HS6ST2: variants seen among roughly 807,000 people sequenced by gnomAD.
HS6ST2 encodes heparan sulfate 6-O-sulfotransferase 2, also known as heparan-sulfate 6-O-sulfotransferase 2.
A neutral mutation model predicts 33.0 loss-of-function variants in HS6ST2; 17 were observed. That is an observed-to-expected ratio of 0.52 (90% CI 0.35 to 0.77). The LOEUF (loss-of-function observed/expected upper bound fraction) is 0.77, where lower values mean the gene tolerates loss of function less well. HS6ST2 is among the 30% of genes least tolerant of loss of function. The pLI, the probability that HS6ST2 is intolerant of heterozygous loss-of-function variation, is 0.01. For missense variants in HS6ST2, 519 were observed against 551.7 expected (o/e 0.94, Z 0.59); for synonymous variants, 248 against 237.1 (o/e 1.05, Z -0.42).
At chrX:132,685,558 A>G (rs2064011122) in intron 3 of HS6ST2, among the ~76,000 whole-genome samples, 1 of 111,371 alleles carries the variant, frequency 9.0e-6, no homozygotes, top group Non-Finnish European at 1.9e-5. Context: ...GAAGCTGTAT[A>G]CAGATTCCAA....
chrX:132,960,035 T>C (rs1438271102), upstream of HS6ST2, among the ~76,000 whole-genome samples: 1 of 112,155 alleles, frequency 8.9e-6, no homozygotes, highest in African/African-American at 3.2e-5. Context: ...GGATAGTGGA[T>C]TTTTTGGGAA....
chrX:132,851,679 A>C (rs2065802646), intron 2 of HS6ST2, among the ~76,000 whole-genome samples: 4 of 112,096 alleles, frequency 3.6e-5, no homozygotes, highest in Non-Finnish European at 7.5e-5. Context: ...GATATTGTCC[A>C]TAAGGGGAAG....
At chrX:132,938,791 T>G (rs758934509) in intron 2 of HS6ST2, among the ~76,000 whole-genome samples, 1 of 112,352 alleles carries the variant, frequency 8.9e-6, no homozygotes. Context: ...ATAAAATTCA[T>G]CAACACTGAA....
chrX:132,793,048 C>CTTTTTTT lies in HS6ST2; in HGVS notation c.948-84561_948-84555dup, dbSNP rs755535720. Among the ~76,000 whole-genome samples the CTTTTTTT allele has an allele frequency of 2.2e-3, 115 of 53,241 alleles. 17 individuals carry two copies. Among genetic ancestry groups the CTTTTTTT allele is most frequent in the African/African-American group, 0.012 (113 of 9,561 alleles). The allele number at this position is 53,241 out of a possible 115,157, so 46.2% of individuals were successfully genotyped here. A position where few individuals can be genotyped will look rare whatever the true frequency, so the allele number is the denominator to read the frequency against. On this transcript the variant is annotated intron_variant, in intron 2 of 4. Coordinates refer to ENST00000370833, the MANE Select transcript of HS6ST2 (RefSeq NM_001394073.1). Reference sequence around the variant, plus strand: ...AAGTTGCAAATCTCCAAATAAACTCCTTTTTTTTTTTTTTTTTTTTTTTTT... The same window carrying CTTTTTTT: ...AAGTTGCAAATCTCCAAATAAACTCCTTTTTTTTTTTTTTTTTTTTTTTTTTTTTTTT...
chrX:132,929,379 A>G (rs2066742293), intron 2 of HS6ST2, among the ~76,000 whole-genome samples: 1 of 110,485 alleles, frequency 9.1e-6, no homozygotes, highest in Non-Finnish European at 1.9e-5. Context: ...CGTCCTACCT[A>G]CTTGGGAGGC....
chrX:132,742,733 A>C (rs2064592264), intron 2 of HS6ST2, among the ~76,000 whole-genome samples: 1 of 112,778 alleles, frequency 8.9e-6, no homozygotes, highest in Admixed American at 9.4e-5. Flanking sequence ...CACAAGTCAC[A>C]CATGTATATC....
At chrX:132,847,626 A>G (rs1298428270) in intron 2 of HS6ST2, among the ~76,000 whole-genome samples, 1 of 111,762 alleles carries the variant, frequency 8.9e-6, no homozygotes, top group African/African-American at 3.3e-5. Context: ...GTGAGACCAC[A>G]TCTGAACATT....
chrX:132,724,407 A>C (rs1265981148), intron 2 of HS6ST2, among the ~76,000 whole-genome samples: 1 of 111,939 alleles, frequency 8.9e-6, no homozygotes, highest in South Asian at 3.7e-4. Flanking sequence ...TCCCATTTAC[A>C]ATAGCCACAA....
At position 132,958,230 on chromosome X, in the gene HS6ST2, A is replaced by G. The variant is rs947859049; in HGVS notation, c.373T>C (p.Ser125Pro). ...LTRGLAALGH[S>P]LKHVLGAIFS... ...ATCGCACCGAGCACGTGCTTCAGCG[A>G]GTGGCCCAGGGCGGCCAGGCCCCGA... The change falls in exon 1 of 5, where the codon TCG becomes CCG. Residue 125 changes from serine to proline, a missense_variant. Ser to Pro is a moderately conservative substitution (Grantham distance 74). Transcript: ENST00000370833. The G allele has an allele frequency of 6.8e-6, 8 of 1,174,981 alleles. No homozygotes were observed. Among genetic ancestry groups the G allele is most frequent in the Non-Finnish European group, 9.1e-6 (8 of 882,979 alleles).
chrX:132,630,184 G>A (rs992949021), intron 4 of HS6ST2, among the ~76,000 whole-genome samples: 1 of 112,250 alleles, frequency 8.9e-6, no homozygotes, highest in African/African-American at 3.2e-5. Context: ...GATGAAGGAC[G>A]AGGCCACAGA....
At chrX:132,655,396 C>G (rs1010584885) in intron 4 of HS6ST2, among the ~76,000 whole-genome samples, 1 of 111,808 alleles carries the variant, frequency 8.9e-6, no homozygotes, top group Non-Finnish European at 1.9e-5. Context: ...ACCAGAAGAT[C>G]TGCCTAAGTC....
intron 2 of HS6ST2, among the ~76,000 whole-genome samples, chrX:132,811,896 C>T (rs186125806): frequency 0.018 from 1,867 of 106,457 alleles, 15 homozygotes; most frequent in South Asian, 0.052. Context: ...TGACTATAGT[C>T]ACAAATATCT....
chrX:132,936,867 G>C (rs1442076722), intron 2 of HS6ST2, among the ~76,000 whole-genome samples: 2 of 85,405 alleles, frequency 2.3e-5, no homozygotes, highest in Non-Finnish European at 4.8e-5. Flanking sequence ...AGTTGAGAAA[G>C]AAAAAAAAAA....
Position 132,956,792 on chromosome X carries a change from A to G in HS6ST2, c.947+16T>C. 5 of 1,147,510 alleles carry G rather than the reference A, an allele frequency of 4.4e-6. No individual in the cohort carries two copies. The South Asian group carries it at 7.9e-5, about 18-fold the overall frequency. The allele number at this position is 1,147,510 out of a possible 1,213,427, so 94.6% of individuals were successfully genotyped here. A position where few individuals can be genotyped will look rare whatever the true frequency, so the allele number is the denominator to read the frequency against. ...GCCTAGGCCCGGGTCCCGCTCGACT[A>G]CCGGCGCGCACTCACCTGGACGGTC... On this transcript the variant is annotated intron_variant, in intron 2 of 4. Transcript: ENST00000370833.
rs1189495505 is a variant in HS6ST2 at position 132,794,769 on chromosome X, G to C, written c.948-86275C>G. Among the ~76,000 whole-genome samples the C allele has an allele frequency of 2.7e-5, 3 of 110,750 alleles. No homozygotes were observed. In the South Asian group the frequency reaches 1.2e-3, roughly 43 times the overall value. On this transcript the variant is annotated intron_variant, in intron 2 of 4. Coordinates refer to ENST00000370833, the MANE Select transcript of HS6ST2 (RefSeq NM_001394073.1). ...GATCCAGCAGTGCCTAATGGGAAAG[G>C]ATTATGCTAGTCACTGTGCAGTTGC...
chrX:132,730,414 C>T (rs1253600221), intron 2 of HS6ST2, among the ~76,000 whole-genome samples: 1 of 112,167 alleles, frequency 8.9e-6, no homozygotes, highest in African/African-American at 3.2e-5. Context: ...CCTCCTCTAC[C>T]ATATCCATGT....
intron 3 of HS6ST2, 33 bp from the exon 4 acceptor site, chrX:132,669,232 A>G: frequency 8.8e-7 from 1 of 1,139,174 alleles, no homozygotes; most frequent in Non-Finnish European, 1.2e-6. Flanking sequence ...AAACATATAC[A>G]CAACAAGGAC....
intron 2 of HS6ST2, among the ~76,000 whole-genome samples, chrX:132,839,017 T>C (rs1365832114): frequency 8.0e-5 from 8 of 99,945 alleles, no homozygotes; most frequent in Non-Finnish European, 1.2e-4. Flanking sequence ...AGAAAGCTTA[T>C]ACACTGTTGG....
At chrX:132,954,665 G>T (rs1256305594) in intron 2 of HS6ST2, among the ~76,000 whole-genome samples, 1 of 111,888 alleles carries the variant, frequency 8.9e-6, no homozygotes, top group Non-Finnish European at 1.9e-5. Context: ...CCTTGAGGTA[G>T]CAATGCATTT....
Sources: gnomAD v4.1 joint callset for allele counts (sites outside exome capture counted in the v4.1 genomes callset) on GRCh38, gnomAD v4.1.1 for gene constraint, MANE v1.5 for transcripts, NCBI Gene and HGNC (gene_info 2026-07-23, HGNC 2026-07-21) for gene names.